The following ITSN2 variants were observed in gnomAD, a reference collection of about 807,000 sequenced individuals.
ITSN2 encodes the protein intersectin 2, also known as intersectin-2.
A neutral mutation model predicts 243.7 loss-of-function variants in ITSN2; 156 were observed. That is an observed-to-expected ratio of 0.64 (90% CI 0.56 to 0.73). ITSN2 has a LOEUF of 0.73. Among genes scored for constraint, ITSN2 ranks in the 30% least tolerant of loss-of-function variants. The pLI, the probability that ITSN2 is intolerant of heterozygous loss-of-function variation, is 0.00. For synonymous variants in ITSN2, 703 were observed against 699.9 expected, an observed-to-expected ratio of 1.00 and a Z score of -0.07; for missense variants, 1,801 against 1,996.1, an observed-to-expected ratio of 0.90 and a Z score of 1.86.
In ITSN2 at chr2:24,238,133, T is replaced by C. The variant is rs555977216; in HGVS notation, c.3577+7996A>G. Among the ~76,000 whole-genome samples the C allele has an allele frequency of 2.6e-5, 4 of 152,332 alleles. No individual in the cohort carries two copies. In the South Asian group the frequency reaches 8.3e-4, roughly 32 times the overall value. On this transcript the variant is annotated intron_variant, in intron 29 of 39. Coordinates refer to ENST00000355123, the MANE Select transcript of ITSN2 (RefSeq NM_006277.3). Reference sequence around the variant, plus strand: ...CCAGCAAGTCTCTCGTTCACCAATCTATGGCTGAATTTGGTATTCCTTCTC... The same window carrying C: ...CCAGCAAGTCTCTCGTTCACCAATCCATGGCTGAATTTGGTATTCCTTCTC...
At chr2:24,224,356 A>G (rs1254223142) in intron 29 of ITSN2, among the ~76,000 whole-genome samples, 1 of 152,270 alleles carries the variant, frequency 6.6e-6, no homozygotes. Flanking sequence ...TAAAGCAAAT[A>G]TATAATCATT....
At chr2:24,267,894 C>G (rs972025927) in intron 20 of ITSN2, among the ~76,000 whole-genome samples, 1 of 152,152 alleles carries the variant, frequency 6.6e-6, no homozygotes, top group East Asian at 1.9e-4. Flanking sequence ...TACACTTTTT[C>G]CTAGTGTTTT....
At chr2:24,237,959 G>A (rs754484068) in intron 29 of ITSN2, among the ~76,000 whole-genome samples, 5 of 152,036 alleles carry the variant, frequency 3.3e-5, no homozygotes, top group Non-Finnish European at 5.9e-5. Flanking sequence ...TATAGTTCCT[G>A]GCTCTGTATT....
chr2:24,309,946 G>A (rs1470347522), intron 7 of ITSN2, among the ~76,000 whole-genome samples: 2 of 152,068 alleles, frequency 1.3e-5, no homozygotes, highest in Non-Finnish European at 2.9e-5. Flanking sequence ...GCTCAAGAAA[G>A]AAATTAACAA....
intron 2 of ITSN2, among the ~76,000 whole-genome samples, chr2:24,316,575 CCAGA>C (rs1486007649): frequency 1.3e-5 from 2 of 152,314 alleles, no homozygotes; most frequent in East Asian, 1.9e-4. Flanking sequence ...GCCACCACGC[CCAGA>C]CAGTTTTTAA....
chr2:24,249,273 C>T lies in ITSN2; in HGVS notation c.3121-391G>A, dbSNP rs948003539. On this transcript the variant is annotated intron_variant, in intron 25 of 39. Coordinates refer to ENST00000355123, the MANE Select transcript of ITSN2 (RefSeq NM_006277.3). The surrounding 1 kb of genome is among the most constrained non-coding windows in gnomAD (Gnocchi z 4.4). ...ATGTCAAGGTATACGTTATTTTGCT[C>T]CTGCTTTCTCTAAGGGATCCTGACT... Among the ~76,000 whole-genome samples the T allele has an allele frequency of 6.6e-6, 1 of 152,128 alleles. No individual in the cohort carries two copies. The highest frequency in any genetic ancestry group is 2.4e-5 in the African/African-American group (1 of 41,430).
intron 3 of ITSN2, among the ~76,000 whole-genome samples, chr2:24,314,263 C>T (rs1683642156): frequency 6.6e-6 from 1 of 152,186 alleles, no homozygotes; most frequent in South Asian, 2.1e-4. Context: ...AATCTTGGGT[C>T]TTCCACCCGT....
At chr2:24,319,700 A>C (rs935166141) in intron 2 of ITSN2, among the ~76,000 whole-genome samples, 1 of 152,200 alleles carries the variant, frequency 6.6e-6, no homozygotes, top group Non-Finnish European at 1.5e-5. Flanking sequence ...CCAGGAGGCT[A>C]TGTTAGAGGC....
At chr2:24,345,456 T>C (rs1687437803) in intron 1 of ITSN2, among the ~76,000 whole-genome samples, 1 of 152,236 alleles carries the variant, frequency 6.6e-6, no homozygotes, top group Admixed American at 6.5e-5. Flanking sequence ...TATATACCCA[T>C]ATGTATTTTA....
chr2:24,361,342 G>A (rs546512098), upstream of ITSN2, among the ~76,000 whole-genome samples: 8 of 152,078 alleles, frequency 5.3e-5, no homozygotes, highest in South Asian at 2.1e-4. Context: ...AGCCGCCACC[G>A]TATCCCAAAA....
In ITSN2 at chr2:24,284,888, A is replaced by AT. The variant is rs138100580; in HGVS notation, c.1864-46dup. ...AAAAGCCAATTAAACTACGTACAGA[A>AT]TTTTTTTTTTTTTTTTTTTTTTTTT... On this transcript the variant is annotated intron_variant, in intron 16 of 39. Coordinates refer to ENST00000355123, the MANE Select transcript of ITSN2 (RefSeq NM_006277.3). 1.2e-3 allele frequency: 428 copies of AT among 370,236 alleles called. 1 individual carries two copies. Among genetic ancestry groups the AT allele is most frequent in the South Asian group, 3.3e-3 (137 of 41,440 alleles). The allele number at this position is 370,236 out of a possible 1,614,324, so 22.9% of individuals were successfully genotyped here.
chr2:24,254,490 A>G (rs1388540519), intron 23 of ITSN2, 59 bp from the exon 24 acceptor site: 2 of 1,401,264 alleles, frequency 1.4e-6, no homozygotes, highest in East Asian at 4.6e-5. Context: ...AAAATAAGAA[A>G]GGTGATTTGA....
At chr2:24,236,663 G>GTT (rs148137218) in intron 29 of ITSN2, among the ~76,000 whole-genome samples, 9 of 115,908 alleles carry the variant, frequency 7.8e-5, no homozygotes, top group South Asian at 2.8e-4. Flanking sequence ...TTTTTCCTGT[G>GTT]TTTTTTTTTC....
At chr2:24,248,782 A>G in intron 26 of ITSN2, 32 bp from the exon 27 acceptor site, 1 of 1,613,004 alleles carries the variant, frequency 6.2e-7, no homozygotes, top group Non-Finnish European at 8.5e-7. Context: ...TATGAATTCA[A>G]GATTGCGACA....
At position 24,298,800 on chromosome 2, in the gene ITSN2, T is replaced by C; in HGVS notation, c.1359A>G (p.Glu453=). The C allele has an allele frequency of 6.3e-7, 1 of 1,593,126 alleles. No homozygotes were observed. Among genetic ancestry groups the C allele is most frequent in the African/African-American group, 1.4e-5 (1 of 73,324 alleles). The change falls in exon 13 of 40, where the codon GAA becomes GAG. Residue 453 remains glutamate, a synonymous_variant. Coordinates refer to ENST00000355123, the MANE Select transcript of ITSN2 (RefSeq NM_006277.3). ...ATTCTAAGCGACGTTGTCGTTCAAG[T>C]TCCTGTTTTGCTGCCTGAAAAAAAA... is the stretch of plus-strand genomic sequence containing the variant. ...DIERREAAKQ[E]LERQRRLEWE...
chr2:24,278,194 T>C (rs1175206605), intron 17 of ITSN2, among the ~76,000 whole-genome samples: 1 of 152,226 alleles, frequency 6.6e-6, no homozygotes, highest in Non-Finnish European at 1.5e-5. Flanking sequence ...TCCTTTAAAA[T>C]AGAGCTCTAA....
chr2:24,357,953 C>T lies in ITSN2; in HGVS notation c.-34+2351G>A, dbSNP rs372356495. ...TGTTTGAGACGGAGTCTCACTCTGTCGCCTAGGCTGGAGTGCAGTGGTGCG... is the reference window on the plus strand; with the variant it reads ...TGTTTGAGACGGAGTCTCACTCTGTTGCCTAGGCTGGAGTGCAGTGGTGCG... On this transcript the variant is annotated intron_variant, in intron 1 of 39. Transcript: ENST00000355123. Among the ~76,000 whole-genome samples the T allele has an allele frequency of 4.6e-5, 7 of 152,224 alleles. No individual in the cohort carries two copies. The East Asian group carries it at 7.7e-4, about 17-fold the overall frequency.
intron 8 of ITSN2, among the ~76,000 whole-genome samples, chr2:24,304,305 C>T (rs187763831): frequency 2.0e-5 from 3 of 152,210 alleles, no homozygotes; most frequent in Non-Finnish European, 4.4e-5. Flanking sequence ...ACAACTCTTA[C>T]ACAAGAGATT....
chr2:24,330,702 C>A, intron 1 of ITSN2: 1 of 672,040 alleles, frequency 1.5e-6, no homozygotes, highest in Middle Eastern at 4.4e-4. Flanking sequence ...TAACTGTGTA[C>A]TTCTGGTGAC....
Sources: gnomAD v4.1 joint callset for allele counts (sites outside exome capture counted in the v4.1 genomes callset) on GRCh38, gnomAD v4.1.1 for gene constraint, Gnocchi (gnomAD v3.1) non-coding constraint, MANE v1.5 for transcripts, NCBI Gene and HGNC (gene_info 2026-07-23, HGNC 2026-07-21) for gene names.